The following CACNA2D1 variants were observed in gnomAD, a reference collection of about 807,000 sequenced individuals.
CACNA2D1 encodes the protein calcium voltage-gated channel auxiliary subunit alpha2delta 1, also known as voltage-dependent calcium channel subunit alpha-2/delta-1.
A neutral mutation model predicts 171.5 loss-of-function variants in CACNA2D1; 53 were observed. That is an observed-to-expected ratio of 0.31 (90% CI 0.25 to 0.39). The LOEUF (loss-of-function observed/expected upper bound fraction) is 0.39. CACNA2D1 is among the 10% of genes least tolerant of loss of function. The pLI is 1.00. For synonymous variants in CACNA2D1, 442 were observed against 443.1 expected (o/e 1.00, Z 0.03); for missense variants, 903 against 1,299.8 (o/e 0.69, Z 4.69).
At chr7:82,420,089 G>A (rs1375671378) in intron 1 of CACNA2D1, among the ~76,000 whole-genome samples, 4 of 152,118 alleles carry the variant, frequency 2.6e-5, no homozygotes, top group African/African-American at 9.7e-5. Flanking sequence ...TTCTGCCTTA[G>A]GTTATGTGAG....
At chr7:82,419,998 A>C (rs984643531) in intron 1 of CACNA2D1, among the ~76,000 whole-genome samples, 1 of 152,010 alleles carries the variant, frequency 6.6e-6, no homozygotes, top group African/African-American at 2.4e-5. Flanking sequence ...AAAATCCTAC[A>C]TTGCACAGGA....
At chr7:82,121,765 A>T (rs1394037167) in intron 5 of CACNA2D1, among the ~76,000 whole-genome samples, 4 of 34,282 alleles carry the variant, frequency 1.2e-4, no homozygotes, top group African/African-American at 9.3e-4. Context: ...TTGTTCTTGC[A>T]AAAAAACATA....
chr7:81,987,428 T>A (rs947348707), intron 21 of CACNA2D1, among the ~76,000 whole-genome samples: 1 of 152,132 alleles, frequency 6.6e-6, no homozygotes, highest in African/African-American at 2.4e-5. Flanking sequence ...CATGGTTAAC[T>A]GAGTTAAGTG....
chr7:81,951,828 A>ACTT (rs1056335336), intron 38 of CACNA2D1, among the ~76,000 whole-genome samples: 3 of 152,010 alleles, frequency 2.0e-5, no homozygotes, highest in African/African-American at 7.2e-5. Context: ...TCATAAAATG[A>ACTT]CTTCTTTTCC....
At chr7:82,031,028 T>G (rs1030228048) in intron 12 of CACNA2D1, among the ~76,000 whole-genome samples, 1 of 151,946 alleles carries the variant, frequency 6.6e-6, no homozygotes, top group African/African-American at 2.4e-5. Flanking sequence ...CTCAATTTAT[T>G]TGTTGTGATG....
At chr7:82,086,102 G>A (rs1317856059) in intron 6 of CACNA2D1, among the ~76,000 whole-genome samples, 1 of 152,094 alleles carries the variant, frequency 6.6e-6, no homozygotes, top group African/African-American at 2.4e-5. Context: ...AATGTGCTTA[G>A]GATAAAGACT....
chr7:82,100,406 T>A (rs1812534054), intron 6 of CACNA2D1, among the ~76,000 whole-genome samples: 1 of 152,152 alleles, frequency 6.6e-6, no homozygotes, highest in Admixed American at 6.5e-5. Context: ...ATATAATAAA[T>A]CATTCACAGG....
intron 6 of CACNA2D1, among the ~76,000 whole-genome samples, chr7:82,088,238 A>C (rs1305499238): frequency 1.3e-5 from 2 of 152,136 alleles, no homozygotes; most frequent in African/African-American, 4.8e-5. Flanking sequence ...CTATTCTTAG[A>C]CAGTATTTTT....
chr7:82,144,858 A>T (rs893319252), intron 4 of CACNA2D1, among the ~76,000 whole-genome samples: 3 of 152,046 alleles, frequency 2.0e-5, no homozygotes, highest in Non-Finnish European at 2.9e-5. Context: ...AGTTTTATTT[A>T]AAAAGATTAA....
intron 11 of CACNA2D1, among the ~76,000 whole-genome samples, chr7:82,035,778 GC>G (rs2131180630): frequency 6.6e-6 from 1 of 152,186 alleles, no homozygotes; most frequent in Non-Finnish European, 1.5e-5. Context: ...ATTGACTTAA[GC>G]AAAAAATAAT....
chr7:82,317,347 T>A (rs1459653657), intron 3 of CACNA2D1, among the ~76,000 whole-genome samples: 1 of 152,208 alleles, frequency 6.6e-6, no homozygotes, highest in Non-Finnish European at 1.5e-5. Flanking sequence ...CACAGGCAGA[T>A]CATAGGGATA....
intron 19 of CACNA2D1, 63 bp from the exon 20 acceptor site, chr7:81,995,002 A>G: frequency 2.5e-6 from 2 of 806,576 alleles, no homozygotes; most frequent in Non-Finnish European, 2.2e-6. Context: ...AAATATGACT[A>G]TTAACATGGT....
chr7:82,335,358 C>T (rs1012427286), intron 2 of CACNA2D1, 107 bp from the exon 3 acceptor site: 29 of 729,120 alleles, frequency 4.0e-5, no homozygotes, highest in Admixed American at 1.1e-4. Context: ...AGAAACACCA[C>T]CCTGTTCTTT....
intron 1 of CACNA2D1, among the ~76,000 whole-genome samples, chr7:82,405,397 A>C (rs1826915319): frequency 6.6e-6 from 1 of 152,212 alleles, no homozygotes; most frequent in Non-Finnish European, 1.5e-5. Context: ...AAATGAGCTA[A>C]ATTTATACCA....
intron 3 of CACNA2D1, among the ~76,000 whole-genome samples, chr7:82,331,923 AG>A (rs1817345175): frequency 1.3e-5 from 2 of 152,146 alleles, no homozygotes; most frequent in African/African-American, 4.8e-5. Context: ...TTATTAGATA[AG>A]TTTTTATTAC....
At chr7:82,392,975 T>C (rs1825308848) in intron 1 of CACNA2D1, among the ~76,000 whole-genome samples, 1 of 151,136 alleles carries the variant, frequency 6.6e-6, no homozygotes, top group Non-Finnish European at 1.5e-5. Flanking sequence ...TATAGGTAAT[T>C]GGTCTTCTAA....
intron 3 of CACNA2D1, among the ~76,000 whole-genome samples, chr7:82,186,247 GAAGGAAGA>G (rs1436941075): frequency 0.012 from 824 of 68,260 alleles, 18 homozygotes; most frequent in African/African-American, 0.033. Flanking sequence ...AGGAAGGAAG[GAAGGAAGA>G]AAGGAAGGAA....
At chr7:82,148,345 G>A (rs1793391990) in intron 4 of CACNA2D1, among the ~76,000 whole-genome samples, 2 of 151,590 alleles carry the variant, frequency 1.3e-5, no homozygotes, top group African/African-American at 4.9e-5. Context: ...AAAAGTCAAG[G>A]GATGTTCCTC....
intron 7 of CACNA2D1, among the ~76,000 whole-genome samples, chr7:82,068,256 C>A (rs1465974838): frequency 6.6e-6 from 1 of 152,102 alleles, no homozygotes; most frequent in African/African-American, 2.4e-5. Context: ...CCAGCCCCGC[C>A]CCCTGCCCCA....
Sources: allele counts gnomAD v4.1 joint callset (sites outside exome capture counted in the v4.1 genomes callset), GRCh38; gene constraint gnomAD v4.1.1; transcripts MANE v1.5; gene names NCBI Gene and HGNC (gene_info 2026-07-23, HGNC 2026-07-21).